XXYLT1: variants seen among roughly 807,000 people sequenced by gnomAD.
XXYLT1 encodes the protein UDP-xylose:alpha-xyloside alpha-1,3-xylosyltransferase.
Under a neutral mutation model 28.9 loss-of-function variants are expected in XXYLT1, and 20 were observed. The ratio of observed to expected loss-of-function variants is 0.69; its 90% CI spans 0.49 to 1.00. The LOEUF (loss-of-function observed/expected upper bound fraction) is 1.00, where lower values mean the gene tolerates loss of function less well. Ranked by LOEUF, XXYLT1 falls within the 50% of genes least tolerant of loss-of-function variation. The pLI is 0.00. For missense variants in XXYLT1, 542 were observed against 560.1 expected, an observed-to-expected ratio of 0.97 and a Z score of 0.33; for synonymous variants, 257 against 253.8, an observed-to-expected ratio of 1.01 and a Z score of -0.12.
intron 3 of XXYLT1, among the ~76,000 whole-genome samples, chr3:195,099,022 A>G (rs947289215): frequency 2.6e-5 from 4 of 152,186 alleles, no homozygotes; most frequent in Non-Finnish European, 5.9e-5. Context: ...CACAATCACA[A>G]TGTATTTACT....
In XXYLT1 at chr3:195,268,192, G is replaced by C. The variant is rs189706971; in HGVS notation, c.504+2363C>G. ...CGCCTGTAATTCCAGCACTTTGAGAGGCCAAGGTGGGTGGATCACCTGAGG... is the reference window on the plus strand; with the variant it reads ...CGCCTGTAATTCCAGCACTTTGAGACGCCAAGGTGGGTGGATCACCTGAGG... On this transcript the variant is annotated intron_variant, in intron 1 of 3. Transcript: ENST00000310380. Among the ~76,000 whole-genome samples the C allele has an allele frequency of 1.9e-3, 283 of 152,254 alleles. 7 individuals carry two copies. In the East Asian group the frequency reaches 0.028, roughly 15 times the overall value.
chr3:195,082,175 C>A (rs1007649943), intron 3 of XXYLT1, among the ~76,000 whole-genome samples: 18 of 152,190 alleles, frequency 1.2e-4, no homozygotes, highest in African/African-American at 4.3e-4. Context: ...AATTATGGGA[C>A]CTCAGCAGTG....
Position 195,175,796 on chromosome 3 carries a change from G to A in XXYLT1, c.653-19215C>T, listed in dbSNP as rs114395051. On this transcript the variant is annotated intron_variant, in intron 2 of 3. Transcript: ENST00000310380. ...CTGGAAGCCACATGCTCCAGATGGCGTCGTTACAGGATGGAAGTGGCCTCG... is the reference window on the plus strand; with the variant it reads ...CTGGAAGCCACATGCTCCAGATGGCATCGTTACAGGATGGAAGTGGCCTCG... 2,521 of 1,476,906 alleles carry A rather than the reference G, an allele frequency of 1.7e-3. 38 individuals carry two copies. The African/African-American group carries it at 0.031, about 18-fold the overall frequency. 91.5% of individuals were successfully genotyped at this position (1,476,906 alleles called of 1,614,324 possible).
chr3:195,088,751 C>T lies in XXYLT1; in HGVS notation c.786-18640G>A, dbSNP rs1306822185. Among the ~76,000 whole-genome samples, 3 of 139,824 alleles carry T rather than the reference C, an allele frequency of 2.1e-5. No homozygotes were observed. The East Asian group carries it at 6.3e-4, about 29-fold the overall frequency. 91.7% of individuals were successfully genotyped at this position (139,824 alleles called of 152,430 possible). ...CTGAGCTACGGGAGGACATTCAAAC[C>T]AAAGGCAAAGAAGTTGAAAACTTTG... On this transcript the variant is annotated intron_variant, in intron 3 of 3. Transcript: ENST00000310380.
chr3:195,133,620 C>T lies in XXYLT1; in HGVS notation c.785+22829G>A, dbSNP rs982884611. On this transcript the variant is annotated intron_variant, in intron 3 of 3. Coordinates refer to ENST00000310380, the MANE Select transcript of XXYLT1 (RefSeq NM_152531.5). The surrounding 1 kb of genome is among the most constrained non-coding windows in gnomAD (Gnocchi z 4.4). ...CTAACAAGCAGAGGCGGACGAGCTGCTGTGCCAAACGCTCCCAGATGCACA... is the reference window on the plus strand; with the variant it reads ...CTAACAAGCAGAGGCGGACGAGCTGTTGTGCCAAACGCTCCCAGATGCACA... 1.3e-5 allele frequency among the ~76,000 whole-genome samples: 2 copies of T among 152,212 alleles called. No homozygotes were observed. The highest frequency in any genetic ancestry group is 2.9e-5 in the Non-Finnish European group (2 of 68,034).
chr3:195,226,034 T>C (rs1724033906), intron 2 of XXYLT1, among the ~76,000 whole-genome samples: 1 of 152,112 alleles, frequency 6.6e-6, no homozygotes, highest in Admixed American at 6.5e-5. Context: ...CACTGGTCAA[T>C]ATCCAGGGCT....
chr3:195,213,368 G>A (rs937437045), intron 2 of XXYLT1, among the ~76,000 whole-genome samples: 8 of 151,520 alleles, frequency 5.3e-5, no homozygotes, highest in Non-Finnish European at 1.0e-4. Context: ...GGGTTCAAGT[G>A]ATTCTCCTGC....
chr3:195,157,346 G>A (rs1456864717), intron 2 of XXYLT1, among the ~76,000 whole-genome samples: 1 of 151,752 alleles, frequency 6.6e-6, no homozygotes. Context: ...AAAACATTAT[G>A]GTCTCAGGCC....
chr3:195,270,082 G>A, intron 1 of XXYLT1: 1 of 247,922 alleles, frequency 4.0e-6, no homozygotes, highest in Non-Finnish European at 8.5e-6. Flanking sequence ...AGATCCTACT[G>A]AAATACCTTA....
chr3:195,254,516 A>T (rs1383261408), intron 1 of XXYLT1, among the ~76,000 whole-genome samples: 1 of 152,212 alleles, frequency 6.6e-6, no homozygotes, highest in Non-Finnish European at 1.5e-5. Flanking sequence ...AGGCTGCGGG[A>T]TCTCTGTGCC....
Position 195,270,675 on chromosome 3 carries a change from G to A in XXYLT1, c.384C>T (p.Leu128=), listed in dbSNP as rs74954858. 1.4e-4 allele frequency: 229 copies of A among 1,585,564 alleles called. 1 individual carries two copies. In the East Asian group the frequency reaches 5.1e-3, roughly 35 times the overall value. Residue 128 remains leucine, a synonymous_variant, in exon 1 of 4, where the codon CTC becomes CTT. Coordinates refer to ENST00000310380, the MANE Select transcript of XXYLT1 (RefSeq NM_152531.5). ...GCACCTCGTGCGCCTCGAACTTGGC[G>A]AGGCGCAGCAGTGAGCGCAGCGCGA... ...ARVALRSLLR[L]AKFEAHEVLN... is the part of the protein sequence containing the mutation.
intron 3 of XXYLT1, among the ~76,000 whole-genome samples, chr3:195,082,555 TGAA>T (rs1360038376): frequency 1.3e-5 from 2 of 152,122 alleles, no homozygotes; most frequent in Non-Finnish European, 2.9e-5. Flanking sequence ...TGAGGAACCC[TGAA>T]GAAGGATCTC....
At chr3:195,250,510 G>A (rs1331394215) in intron 1 of XXYLT1, among the ~76,000 whole-genome samples, 1 of 150,884 alleles carries the variant, frequency 6.6e-6, no homozygotes, top group Non-Finnish European at 1.5e-5. Flanking sequence ...GTTGCAGTCA[G>A]CAGAGATCGC....
chr3:195,106,523 A>G (rs1011021604), intron 3 of XXYLT1, among the ~76,000 whole-genome samples: 3 of 152,166 alleles, frequency 2.0e-5, no homozygotes, highest in African/African-American at 7.2e-5. Flanking sequence ...GGGCTCGGTG[A>G]TTCGGGGCTG....
chr3:195,250,593 C>G (rs1181166738), intron 1 of XXYLT1, among the ~76,000 whole-genome samples: 1 of 151,958 alleles, frequency 6.6e-6, no homozygotes, highest in Non-Finnish European at 1.5e-5. Flanking sequence ...CTGCAACCAC[C>G]CCCATACTCC....
chr3:195,246,101 A>G (rs1210759567), intron 1 of XXYLT1, among the ~76,000 whole-genome samples: 1 of 152,248 alleles, frequency 6.6e-6, no homozygotes, highest in Admixed American at 6.5e-5. Context: ...TCCATCTAGC[A>G]CACTGGTGTT....
In XXYLT1 at chr3:195,176,535, T is replaced by G. The variant is rs564926416; in HGVS notation, c.653-19954A>C. On this transcript the variant is annotated intron_variant, in intron 2 of 3. Transcript: ENST00000310380. This position sits in a 1 kb window ranked among gnomAD's most constrained non-coding sequence, Gnocchi z 4.9. The stretch of plus-strand genomic sequence containing the variant: ...AACAATCTTGCTTGTGCGCCATCAG[T>G]ACGTTCCACCCCTCTGACACACTGG... Among the ~76,000 whole-genome samples the G allele has an allele frequency of 1.3e-5, 2 of 152,350 alleles. No individual in the cohort carries two copies. The highest frequency in any genetic ancestry group is 3.9e-4 in the East Asian group (2 of 5,180).
rs1409344870 is a variant in XXYLT1, at chr3:195,210,659, T to C, written c.652+16050A>G. Among the ~76,000 whole-genome samples, 1 of 152,244 alleles carries C rather than the reference T, an allele frequency of 6.6e-6. No individual in the cohort carries two copies. The highest frequency in any genetic ancestry group is 1.5e-5 in the Non-Finnish European group (1 of 68,044). Reference sequence around the variant, plus strand: ...TTAGTAGAAAATGGTCTCTACCACGTTACTATTTTTAGCATTTTATGACAA... The same window carrying C: ...TTAGTAGAAAATGGTCTCTACCACGCTACTATTTTTAGCATTTTATGACAA... On this transcript the variant is annotated intron_variant, in intron 2 of 3. Transcript: ENST00000310380. The surrounding 1 kb of genome is among the most constrained non-coding windows in gnomAD (Gnocchi z 4.8).
intron 3 of XXYLT1, among the ~76,000 whole-genome samples, chr3:195,151,596 A>G (rs1720259250): frequency 6.6e-6 from 1 of 152,142 alleles, no homozygotes; most frequent in South Asian, 2.1e-4. Flanking sequence ...ATTATTTAGT[A>G]TAAATAATTG....
Sources: allele counts gnomAD v4.1 joint callset (sites outside exome capture counted in the v4.1 genomes callset), GRCh38; gene constraint gnomAD v4.1.1; non-coding constraint Gnocchi (gnomAD v3.1); transcripts MANE v1.5; gene names NCBI Gene and HGNC (gene_info 2026-07-23, HGNC 2026-07-21).